The following RNF38 variants were observed in gnomAD, a reference collection of about 807,000 sequenced individuals.
RNF38 encodes the protein ring finger protein 38.
In RNF38, 15 loss-of-function variants were observed where a neutral mutation model predicts 67.2. The observed-to-expected ratio is 0.22, with a 90% CI of 0.15 to 0.34. The LOEUF (loss-of-function observed/expected upper bound fraction) is 0.34, where lower values mean the gene tolerates loss of function less well. Ranked by LOEUF, RNF38 falls within the 10% of genes least tolerant of loss-of-function variation. RNF38 has a pLI of 1.00. For missense variants in RNF38, 524 were observed against 639.9 expected (o/e 0.82, Z 1.95); for synonymous variants, 220 against 218.8 (o/e 1.01, Z -0.05).
chr9:36,459,781 T>C (rs1175037075), intron 1 of RNF38, among the ~76,000 whole-genome samples: 1 of 152,150 alleles, frequency 6.6e-6, no homozygotes, highest in Non-Finnish European at 1.5e-5. Context: ...CATTTCCATC[T>C]TCTACTGTCA....
intron 2 of RNF38, among the ~76,000 whole-genome samples, chr9:36,406,997 A>T (rs1184208934): frequency 6.6e-6 from 1 of 151,044 alleles, no homozygotes; most frequent in African/African-American, 2.5e-5. Flanking sequence ...CCCCATCTCC[A>T]CCAAAAATAC....
chr9:36,450,461 T>C (rs1049766673), intron 1 of RNF38, among the ~76,000 whole-genome samples: 4 of 152,200 alleles, frequency 2.6e-5, no homozygotes, highest in Non-Finnish European at 5.9e-5. Context: ...TATAAATTTC[T>C]ACATGTTTTA....
upstream of RNF38, chr9:36,400,904 G>A: frequency 2.4e-5 from 9 of 375,394 alleles, no homozygotes; most frequent in Non-Finnish European, 2.5e-5. Context: ...GCCCCTCCCC[G>A]CCCCGCCGCG....
chr9:36,353,317 T>C lies in RNF38; in HGVS notation c.924A>G (p.Ile308Met). The change falls in exon 7 of 12, where the codon ATA becomes ATG. Residue 308 changes from isoleucine to methionine, a missense_variant. Physicochemically the swap from Ile to Met is conservative, Grantham distance 10. Around this residue, in one of 2 missense-constraint regions of RNF38, gnomAD observed 461 missense variants for 517.4 expected, o/e 0.89. Coordinates refer to ENST00000259605, the MANE Select transcript of RNF38 (RefSeq NM_022781.5). ...TQQSRSPLQR[I>M]ENEVELLGEH... ...CTCCTAAGAGTTCCACTTCATTTTC[T>C]ATCCTTTGCAGAGGCTGAGGAGGGG... is the stretch of plus-strand genomic sequence containing the variant. The C allele has an allele frequency of 6.2e-7, 1 of 1,609,348 alleles. No homozygotes were observed. The highest frequency in any genetic ancestry group is 8.5e-7 in the Non-Finnish European group (1 of 1,178,056).
intron 2 of RNF38, among the ~76,000 whole-genome samples, chr9:36,419,040 C>A (rs1332697184): frequency 6.6e-6 from 1 of 152,130 alleles, no homozygotes. Context: ...AAAACTGGTA[C>A]ATCTCGAGCA....
chr9:36,449,724 C>G (rs142742561), intron 1 of RNF38, among the ~76,000 whole-genome samples: 3 of 152,076 alleles, frequency 2.0e-5, no homozygotes, highest in South Asian at 2.1e-4. Context: ...CATGAGCCAC[C>G]GCTCCCAGCC....
rs1156313770 is a variant in RNF38, at chr9:36,485,304, G to GTATATATATATATATATATATATATATA, written n.241+2003_241+2004insTATATATATATATATATATATATATATA. On this transcript the variant is annotated intron_variant and non_coding_transcript_variant, in intron 1 of 3. Transcript: ENST00000488058. ...AACAAGTGTACAAGGATCTCTTAGG[G>GTATATATATATATATATATATATATATA]TATATATACACACACACACCCAGAA... Among the ~76,000 whole-genome samples, 270 of 150,324 alleles carry GTATATATATATATATATATATATATATA rather than the reference G, an allele frequency of 1.8e-3. 3 individuals carry two copies. The highest frequency in any genetic ancestry group is 6.3e-3 in the African/African-American group (250 of 39,758).
intron 2 of RNF38, among the ~76,000 whole-genome samples, chr9:36,390,021 G>A (rs934452053): frequency 1.1e-4 from 16 of 152,154 alleles, no homozygotes; most frequent in Non-Finnish European, 1.9e-4. Context: ...TTTAACTCAC[G>A]TTTACCCACA....
rs1361650678 is a variant in RNF38, at chr9:36,363,478, C to T, written c.571-5536G>A. 2.0e-5 allele frequency among the ~76,000 whole-genome samples: 2 copies of T among 100,412 alleles called. 1 individual carries two copies. Among genetic ancestry groups the T allele is most frequent in the East Asian group, 5.1e-4 (2 of 3,888 alleles). The allele number at this position is 100,412 out of a possible 152,430, so 65.9% of individuals were successfully genotyped here. The stretch of plus-strand genomic sequence containing the variant: ...AATTGTCAGTCTTTTTAATTTTGGC[C>T]CTCAAAATGTCATGTTTTCATTTGG... On this transcript the variant is annotated intron_variant, in intron 4 of 11. Coordinates refer to ENST00000259605, the MANE Select transcript of RNF38 (RefSeq NM_022781.5).
intron 9 of RNF38, among the ~76,000 whole-genome samples, chr9:36,349,196 G>A (rs1236895217): frequency 6.6e-6 from 1 of 152,240 alleles, no homozygotes; most frequent in East Asian, 1.9e-4. Context: ...TGATGAAGAT[G>A]TACAAAGAGA....
At chr9:36,472,163 C>G (rs1269465415) in intron 1 of RNF38, among the ~76,000 whole-genome samples, 1 of 152,138 alleles carries the variant, frequency 6.6e-6, no homozygotes. Flanking sequence ...TCTTAAGAGC[C>G]ACCAAACATA....
intron 1 of RNF38, among the ~76,000 whole-genome samples, chr9:36,474,797 GA>G (rs1460724913): frequency 6.8e-6 from 1 of 148,126 alleles, no homozygotes; most frequent in Admixed American, 6.8e-5. Context: ...GAACTGAAGG[GA>G]AAAGAGGCAT....
intron 2 of RNF38, among the ~76,000 whole-genome samples, chr9:36,423,519 G>A (rs941723715): frequency 2.6e-5 from 4 of 152,154 alleles, no homozygotes; most frequent in African/African-American, 9.7e-5. Context: ...CGCAGAAAAT[G>A]GGAGGGAAGC....
chr9:36,409,403 A>C (rs1036272439), intron 2 of RNF38, among the ~76,000 whole-genome samples: 2 of 152,238 alleles, frequency 1.3e-5, no homozygotes, highest in African/African-American at 4.8e-5. Flanking sequence ...TAGCTACTTT[A>C]CTTTTGGGAA....
intron 2 of RNF38, among the ~76,000 whole-genome samples, chr9:36,421,848 CAG>C (rs1359819175): frequency 6.6e-6 from 1 of 152,100 alleles, no homozygotes; most frequent in African/African-American, 2.4e-5. Flanking sequence ...AGAAAGACGT[CAG>C]GGGGCTGTTG....
rs779165630 is a variant in RNF38, at chr9:36,474,907, C to T, written n.241+12401G>A. Among the ~76,000 whole-genome samples the T allele has an allele frequency of 1.2e-4, 17 of 147,410 alleles. 2 individuals are homozygous for T. Among genetic ancestry groups the T allele is most frequent in the East Asian group, 6.7e-4 (3 of 4,474 alleles). On this transcript the variant is annotated intron_variant and non_coding_transcript_variant, in intron 1 of 3. Transcript: ENST00000488058. ...CTGTAATCCCAGCACTTTGGGAGGCCGAGGCAGGCGGATCACCTGAGGTCG... is the reference window on the plus strand; with the variant it reads ...CTGTAATCCCAGCACTTTGGGAGGCTGAGGCAGGCGGATCACCTGAGGTCG...
rs796113767 is a variant in RNF38 at position 36,378,192 on chromosome 9, T to G, written c.163-2065A>C. The stretch of plus-strand genomic sequence containing the variant: ...GACTTTTTTTTTTTTTTTTTTTTTT[T>G]GTGAGACGGAGTCTTGCTCTGTTGC... On this transcript the variant is annotated intron_variant, in intron 2 of 11. Transcript: ENST00000259605. Among the ~76,000 whole-genome samples, 581 of 140,774 alleles carry G rather than the reference T, an allele frequency of 4.1e-3. 5 individuals carry two copies. Among genetic ancestry groups the G allele is most frequent in the African/African-American group, 0.015 (543 of 36,210 alleles). The allele number at this position is 140,774 out of a possible 152,430, so 92.4% of individuals were successfully genotyped here.
chr9:36,411,785 G>C (rs748346802), intron 2 of RNF38, among the ~76,000 whole-genome samples: 3 of 151,896 alleles, frequency 2.0e-5, no homozygotes, highest in Non-Finnish European at 4.4e-5. Context: ...GGCCAGGCTG[G>C]TTTCAAACTC....
intron 1 of RNF38, among the ~76,000 whole-genome samples, chr9:36,483,818 T>C (rs148041542): frequency 5.9e-5 from 9 of 152,302 alleles, no homozygotes; most frequent in Admixed American, 1.3e-4. Context: ...TGCCCTTACT[T>C]TGAAACCACA....
Sources: gnomAD v4.1 joint callset for allele counts (sites outside exome capture counted in the v4.1 genomes callset) on GRCh38, gnomAD v4.1.1 for gene constraint, gnomAD v4.1.1 regional missense constraint, MANE v1.5 for transcripts, NCBI Gene and HGNC (gene_info 2026-07-23, HGNC 2026-07-21) for gene names.